DLGAP1: variants seen among roughly 807,000 people sequenced by gnomAD.
DLGAP1 encodes the protein DLG associated protein 1, also known as disks large-associated protein 1.
Under a neutral mutation model 90.8 loss-of-function variants are expected in DLGAP1, and 11 were observed. The observed-to-expected ratio is 0.12, with a 90% CI of 0.08 to 0.20. The LOEUF is 0.20. Ranked by LOEUF, DLGAP1 falls within the 10% of genes least tolerant of loss-of-function variation. The probability of loss-of-function intolerance (pLI) is 1.00; values close to 1 mark genes in which losing one functional copy is unlikely to be tolerated. For missense variants in DLGAP1, 1,050 were observed against 1,333.8 expected (o/e 0.79, Z 3.31); for synonymous variants, 558 against 540.7 (o/e 1.03, Z -0.44).
At chr18:3,713,796 T>C (rs1433214680) in intron 7 of DLGAP1, among the ~76,000 whole-genome samples, 1 of 152,206 alleles carries the variant, frequency 6.6e-6, no homozygotes, top group Non-Finnish European at 1.5e-5. Flanking sequence ...GCACTGCAGA[T>C]GTTCAGTGGG....
At chr18:3,645,127 C>G (rs1625214) in intron 7 of DLGAP1, among the ~76,000 whole-genome samples, 2,904 of 152,030 alleles carry the variant, frequency 0.019, 88 homozygotes, top group African/African-American at 0.067. Context: ...GAGACAGGGT[C>G]TCACTCTATA....
intron 5 of DLGAP1, among the ~76,000 whole-genome samples, chr18:3,805,171 G>A (rs561654004): frequency 1.1e-4 from 16 of 152,184 alleles, no homozygotes; most frequent in African/African-American, 1.4e-4. Flanking sequence ...TGCTAAGTGC[G>A]CCACATACAC....
rs1017153986 is a variant in DLGAP1, at chr18:3,706,037, G to A, written c.1591+23098C>T. On this transcript the variant is annotated intron_variant, in intron 7 of 12. Transcript: ENST00000315677. ...CTCACTCTGTCGCCCAGGCTGGATC[G>A]CCCAGGCTGGATTGCCCAGGCGCAA... Among the ~76,000 whole-genome samples, 24 of 143,926 alleles carry A rather than the reference G, an allele frequency of 1.7e-4. 1 individual carries two copies. The highest frequency in any genetic ancestry group is 1.8e-4 in the Non-Finnish European group (12 of 66,924). 94.4% of individuals were successfully genotyped at this position (143,926 alleles called of 152,430 possible). A position where few individuals can be genotyped will look rare whatever the true frequency, so the allele number is the denominator to read the frequency against.
rs574979971 is a variant in DLGAP1, at chr18:4,386,663, A to G, written c.-267+68343T>C. ...ATGAGTTTTCTTAGGTCTATAGAGT[A>G]ATGAGAAAGATCACATATGCAGAGT... On this transcript the variant is annotated intron_variant, in intron 1 of 12. Transcript: ENST00000315677. Among the ~76,000 whole-genome samples, 5 of 152,336 alleles carry G rather than the reference A, an allele frequency of 3.3e-5. No homozygotes were observed. In the South Asian group the frequency reaches 1.0e-3, roughly 32 times the overall value.
At chr18:4,316,931 G>A (rs906310265) in intron 1 of DLGAP1, among the ~76,000 whole-genome samples, 2 of 152,148 alleles carry the variant, frequency 1.3e-5, no homozygotes, top group African/African-American at 4.8e-5. Context: ...CAGGAATTTA[G>A]GGGTTTCGTT....
chr18:4,269,546 G>A (rs941007179), intron 1 of DLGAP1, among the ~76,000 whole-genome samples: 10 of 151,538 alleles, frequency 6.6e-5, no homozygotes, highest in Non-Finnish European at 1.3e-4. Context: ...AGTAGAGACG[G>A]GGTTTCACCG....
chr18:3,662,540 A>G (rs539616260), intron 7 of DLGAP1, among the ~76,000 whole-genome samples: 2 of 152,352 alleles, frequency 1.3e-5, no homozygotes, highest in South Asian at 4.1e-4. Context: ...TGGACAAAGC[A>G]GGCAGAGGTA....
chr18:3,796,513 A>G (rs2065997693), intron 5 of DLGAP1, among the ~76,000 whole-genome samples: 1 of 152,248 alleles, frequency 6.6e-6, no homozygotes, highest in Admixed American at 6.5e-5. Flanking sequence ...TAATTGTAAC[A>G]TTCCATTGGT....
intron 1 of DLGAP1, among the ~76,000 whole-genome samples, chr18:4,270,847 A>G (rs1251444388): frequency 2.0e-5 from 3 of 152,240 alleles, no homozygotes; most frequent in African/African-American, 4.8e-5. Flanking sequence ...CTGTTTGCAG[A>G]TGTTGACTTA....
At chr18:4,413,267 C>T (rs3891479) in intron 1 of DLGAP1, among the ~76,000 whole-genome samples, 3,269 of 152,178 alleles carry the variant, frequency 0.021, 51 homozygotes, top group African/African-American at 0.049. Context: ...GGATTCATTC[C>T]ACTCCCTGGA....
At chr18:4,285,462 A>C (rs1390443377) in intron 1 of DLGAP1, among the ~76,000 whole-genome samples, 4 of 152,224 alleles carry the variant, frequency 2.6e-5, no homozygotes, top group Non-Finnish European at 5.9e-5. Context: ...AATGTTCAAG[A>C]ACATATAGGG....
intron 3 of DLGAP1, among the ~76,000 whole-genome samples, chr18:3,990,495 A>AG (rs1437160427): frequency 8.6e-5 from 5 of 57,998 alleles, no homozygotes; most frequent in Non-Finnish European, 1.0e-4. Flanking sequence ...GGGGTGGGGG[A>AG]GGGGGGAGGG....
At chr18:4,068,068 C>A (rs7232230) in intron 2 of DLGAP1, among the ~76,000 whole-genome samples, 66,532 of 151,700 alleles carry the variant, frequency 0.44, 15,679 homozygotes, top group African/African-American at 0.61. Context: ...ATAAAATGAT[C>A]AAAGCACACC....
chr18:3,893,449 GGTGCTT>G (rs2148863376), intron 3 of DLGAP1, among the ~76,000 whole-genome samples: 1 of 151,944 alleles, frequency 6.6e-6, no homozygotes, highest in East Asian at 1.9e-4. Context: ...CCTGGTGATG[GGTGCTT>G]GTAATTCCAG....
rs554614907 is a variant in DLGAP1, at chr18:3,543,786, C to T, written c.2058-9171G>A. ...CCAGGGAGTGGTCCCCATGGGGAGT[C>T]GGCAGTCTCCCTGACTAATGAGACA... is the stretch of plus-strand genomic sequence containing the variant. On this transcript the variant is annotated intron_variant, in intron 9 of 12. Transcript: ENST00000315677. Among the ~76,000 whole-genome samples the T allele has an allele frequency of 3.3e-5, 5 of 152,152 alleles. No homozygotes were observed. The East Asian group carries it at 7.8e-4, about 24-fold the overall frequency.
intron 1 of DLGAP1, among the ~76,000 whole-genome samples, chr18:4,209,833 T>C (rs369847711): frequency 6.6e-6 from 1 of 152,158 alleles, no homozygotes; most frequent in Admixed American, 6.6e-5. Flanking sequence ...TCTTGGAAGA[T>C]AAGGCATAGC....
At position 3,848,127 on chromosome 18, in the gene DLGAP1, C is replaced by CAAAAAAAA. The variant is rs3862177; in HGVS notation, c.957+30977_957+30984dup. On this transcript the variant is annotated intron_variant, in intron 4 of 12. Transcript: ENST00000315677. Reference sequence around the variant, plus strand: ...TGGATGATGGAGCAAGGCCCCGTCTCAAAAAAAAAAAAAAAAAAAAAAAAA... The same window carrying CAAAAAAAA: ...TGGATGATGGAGCAAGGCCCCGTCTCAAAAAAAAAAAAAAAAAAAAAAAAAAAAAAAAA... 7.0e-3 allele frequency among the ~76,000 whole-genome samples: 226 copies of CAAAAAAAA among 32,078 alleles called. 17 individuals are homozygous for CAAAAAAAA. Among genetic ancestry groups the CAAAAAAAA allele is most frequent in the Non-Finnish European group, 8.3e-3 (172 of 20,762 alleles). 21.0% of individuals were successfully genotyped at this position (32,078 alleles called of 152,430 possible).
intron 1 of DLGAP1, among the ~76,000 whole-genome samples, chr18:4,395,748 C>CT (rs1464015911): frequency 6.6e-6 from 1 of 152,162 alleles, no homozygotes; most frequent in East Asian, 1.9e-4. Context: ...AATAATAAAA[C>CT]TCCTAATTTG....
chr18:4,343,363 T>C (rs2081239809), intron 1 of DLGAP1, among the ~76,000 whole-genome samples: 1 of 150,228 alleles, frequency 6.7e-6, no homozygotes, highest in Non-Finnish European at 1.5e-5. Flanking sequence ...TGCAGAACCA[T>C]GGAGATAAGC....
Sources: gnomAD v4.1 joint callset for allele counts (sites outside exome capture counted in the v4.1 genomes callset) on GRCh38, gnomAD v4.1.1 for gene constraint, MANE v1.5 for transcripts, NCBI Gene and HGNC (gene_info 2026-07-23, HGNC 2026-07-21) for gene names.